VPS35L: variants seen among roughly 807,000 people sequenced by gnomAD.
VPS35L encodes the protein VPS35 endosomal protein-sorting factor-like.
In VPS35L, 83 loss-of-function variants were observed where a neutral mutation model predicts 133.0. That is an observed-to-expected ratio of 0.62 (90% CI 0.52 to 0.75). The LOEUF is 0.75. VPS35L is among the 30% of genes least tolerant of loss of function. The pLI is 0.00. For synonymous variants in VPS35L, 423 were observed against 449.9 expected (o/e 0.94, Z 0.76); for missense variants, 1,083 against 1,206.8 (o/e 0.90, Z 1.52).
intron 27 of VPS35L, among the ~76,000 whole-genome samples, chr16:19,675,780 C>T (rs374662669): frequency 1.3e-5 from 2 of 151,652 alleles, no homozygotes; most frequent in Non-Finnish European, 2.9e-5. Context: ...AAACTCCTGA[C>T]CTCAGGTGCT....
intron 4 of VPS35L, 193 bp downstream of exon 4, chr16:19,573,434 C>CA: frequency 3.6e-6 from 2 of 554,784 alleles, no homozygotes; most frequent in East Asian, 3.5e-5. Context: ...GACAGGTTTC[C>CA]CAAAAAAAAA....
chr16:19,696,746 G>T (rs180958351), intron 29 of VPS35L, among the ~76,000 whole-genome samples: 1 of 152,050 alleles, frequency 6.6e-6, no homozygotes, highest in Non-Finnish European at 1.5e-5. Context: ...AAACACATGC[G>T]AATTGAGCTT....
Position 19,699,791 on chromosome 16 carries a change from C to A in VPS35L, c.2793+143C>A. The A allele has an allele frequency of 8.8e-7, 1 of 1,132,978 alleles. No individual in the cohort carries two copies. Among genetic ancestry groups the A allele is most frequent in the Non-Finnish European group, 1.2e-6 (1 of 808,510 alleles). The allele number at this position is 1,132,978 out of a possible 1,614,324, so 70.2% of individuals were successfully genotyped here. A position where few individuals can be genotyped will look rare whatever the true frequency, so the allele number is the denominator to read the frequency against. On this transcript the variant is annotated intron_variant, in intron 30 of 30. Transcript: ENST00000417362. The surrounding 1 kb of genome is among the most constrained non-coding windows in gnomAD (Gnocchi z 4.2). ...CACTTGGTCCATTTCTACTGGATCA[C>A]TTCCTAGCAGTAAAAAGCAGAGCTG...
intron 1 of VPS35L, among the ~76,000 whole-genome samples, chr16:19,562,814 G>T (rs1471453697): frequency 1.3e-5 from 2 of 151,932 alleles, no homozygotes; most frequent in Admixed American, 6.6e-5. Flanking sequence ...GAGTGCAGTG[G>T]TGCGATTATA....
chr16:19,640,141 G>A lies in VPS35L; in HGVS notation c.1784+41G>A, dbSNP rs1443389968. ...TGCAGCAGAAGCCTTGATTCCCAAT[G>A]TCCTTGTGAAACCTGTTGATAAAAA... On this transcript the variant is annotated intron_variant, in intron 21 of 30. Coordinates refer to ENST00000417362, the MANE Select transcript of VPS35L (RefSeq NM_020314.7). 1.9e-6 allele frequency: 3 copies of A among 1,561,608 alleles called. No individual in the cohort carries two copies. The South Asian group carries it at 3.4e-5, about 18-fold the overall frequency.
At chr16:19,675,357 GT>G (rs1975029906) in intron 27 of VPS35L, among the ~76,000 whole-genome samples, 1 of 148,078 alleles carries the variant, frequency 6.8e-6, no homozygotes, top group East Asian at 2.1e-4. Flanking sequence ...CTCATTTTTT[GT>G]TAGCAATTTA....
At chr16:19,565,060 A>G in intron 2 of VPS35L, 110 bp downstream of exon 2, 1 of 562,946 alleles carries the variant, frequency 1.8e-6, no homozygotes. Flanking sequence ...TGCATATTTG[A>G]TTTTTTTTTT....
At position 19,573,132 on chromosome 16, in the gene VPS35L, G is replaced by C; in HGVS notation, c.299G>C (p.Arg100Thr). 6.2e-7 allele frequency: 1 copy of C among 1,613,676 alleles called. No individual in the cohort carries two copies. Among genetic ancestry groups the C allele is most frequent in the Non-Finnish European group, 8.5e-7 (1 of 1,179,774 alleles). The part of the protein sequence containing the change: ...ALAAAMDSSR[R>T]KRDRDDNSVV... ...GCCTTTCTTTAGGACAGCTCCAGAA[G>C]GAAACGTGATAGAGATGATAACTCC... Residue 100 changes from arginine (R) to threonine (T), a missense_variant, in exon 4 of 31, where the codon AGG (arginine) becomes ACG (threonine). Transcript: ENST00000417362.
At position 19,600,809 on chromosome 16, in the gene VPS35L, A is replaced by T. The variant is rs181204215; in HGVS notation, c.725-855A>T. ...ACTGGTTAGTGTATATGCCATTTCAAGGGGCAGCTACTAATTTGCTCTAGC... is the reference window on the plus strand; with the variant it reads ...ACTGGTTAGTGTATATGCCATTTCATGGGGCAGCTACTAATTTGCTCTAGC... On this transcript the variant is annotated intron_variant, in intron 8 of 30. Transcript: ENST00000417362. Among the ~76,000 whole-genome samples the T allele has an allele frequency of 7.6e-4, 116 of 152,362 alleles. No homozygotes were observed. The Middle Eastern group carries it at 0.01, about 13-fold the overall frequency.
At chr16:19,595,271 C>A (rs1430846836) in intron 8 of VPS35L, among the ~76,000 whole-genome samples, 1 of 152,036 alleles carries the variant, frequency 6.6e-6, no homozygotes, top group Non-Finnish European at 1.5e-5. Flanking sequence ...GAGCCCGGAG[C>A]CTGTGGCAGC....
chr16:19,669,872 T>C (rs1974819552), intron 27 of VPS35L, among the ~76,000 whole-genome samples: 3 of 152,074 alleles, frequency 2.0e-5, no homozygotes. Flanking sequence ...AGTTTCACCA[T>C]GTTGTTCAGG....
intron 2 of VPS35L, among the ~76,000 whole-genome samples, chr16:19,566,169 C>T (rs545801694): frequency 2.5e-4 from 38 of 152,168 alleles, no homozygotes; most frequent in African/African-American, 9.2e-4. Context: ...GCCACAGTTG[C>T]GTTCATTCTC....
chr16:19,599,995 C>T (rs1972330499), intron 8 of VPS35L, among the ~76,000 whole-genome samples: 1 of 152,156 alleles, frequency 6.6e-6, no homozygotes, highest in Admixed American at 6.5e-5. Flanking sequence ...GAGCTGTGAT[C>T]ACGCCACTGC....
At chr16:19,678,730 G>A (rs919872741) in intron 27 of VPS35L, among the ~76,000 whole-genome samples, 1 of 151,704 alleles carries the variant, frequency 6.6e-6, no homozygotes, top group Non-Finnish European at 1.5e-5. Context: ...CACCTGCCTC[G>A]GCCTCCCAAG....
chr16:19,573,418 T>C, intron 4 of VPS35L, 177 bp downstream of exon 4: 3 of 668,698 alleles, frequency 4.5e-6, no homozygotes, highest in East Asian at 6.4e-5. Flanking sequence ...GGCAGAAAAA[T>C]GTGCTGACAG....
intron 28 of VPS35L, 40 bp from the exon 29 acceptor site, chr16:19,691,313 G>A (rs774089371): frequency 4.5e-6 from 7 of 1,542,562 alleles, no homozygotes; most frequent in African/African-American, 1.4e-5. Context: ...GCATGGCCGC[G>A]GGGCTTGGGT....
chr16:19,674,184 C>CTTTCTTTTTTTTTTTTTTTTTTT (rs764022611), intron 27 of VPS35L, among the ~76,000 whole-genome samples: 2 of 70,906 alleles, frequency 2.8e-5, no homozygotes, highest in African/African-American at 1.3e-4. Flanking sequence ...TTTTCTTTTT[C>CTTTCTTTTTTTTTTTTTTTTTTT]TTTTTTTTTT....
Position 19,626,178 on chromosome 16 carries a change from C to A in VPS35L, c.1226C>A (p.Ala409Asp). The change falls in exon 15 of 31, where the codon GCT becomes GAT. Residue 409 changes from alanine to aspartate, a missense_variant and splice_region_variant. By Grantham distance (126) the Ala-to-Asp change is moderately radical. Coordinates refer to ENST00000417362, the MANE Select transcript of VPS35L (RefSeq NM_020314.7). The part of the protein sequence containing the change: ...FQCISYHAPE[A>D]LLTEMMERCK... ...TTATTATTATTTTTAACATAATAGG[C>A]TCTGCTGACCGAGATGATGGAAAGG... is the stretch of plus-strand genomic sequence containing the variant. 6.3e-7 allele frequency: 1 copy of A among 1,585,738 alleles called. No individual in the cohort carries two copies. The highest frequency in any genetic ancestry group is 8.6e-7 in the Non-Finnish European group (1 of 1,161,480).
chr16:19,587,275 C>G lies in VPS35L; in HGVS notation c.640-4515C>G, dbSNP rs1337229389. 4 of 436,590 alleles carry G rather than the reference C, an allele frequency of 9.2e-6. No homozygotes were observed. The Admixed American group carries it at 9.9e-5, about 11-fold the overall frequency. The allele number at this position is 436,590 out of a possible 1,614,324, so 27.0% of individuals were successfully genotyped here. A position where few individuals can be genotyped will look rare whatever the true frequency, so the allele number is the denominator to read the frequency against. On this transcript the variant is annotated intron_variant, in intron 7 of 30. Transcript: ENST00000417362. ...TCGACATGAGATTTGGGTGGGAACA[C>G]AGAGCCAAACCATGTTAACTATGTT... is the stretch of plus-strand genomic sequence containing the variant.
Sources: gnomAD v4.1 joint callset for allele counts (sites outside exome capture counted in the v4.1 genomes callset) on GRCh38, gnomAD v4.1.1 for gene constraint, Gnocchi (gnomAD v3.1) non-coding constraint, MANE v1.5 for transcripts, NCBI Gene and HGNC (gene_info 2026-07-23, HGNC 2026-07-21) for gene names.